CYRIB: variants seen among roughly 807,000 people sequenced by gnomAD.
CYRIB encodes the protein CYFIP-related Rac1 interactor B.
CYRIB carries 8 observed loss-of-function variants against 44.2 expected under a neutral mutation model. The observed-to-expected ratio is 0.18, with a 90% CI of 0.11 to 0.33. The LOEUF (loss-of-function observed/expected upper bound fraction) is 0.33. Among genes scored for constraint, CYRIB ranks in the 10% least tolerant of loss-of-function variants. The probability of loss-of-function intolerance (pLI) is 1.00; values close to 1 mark genes in which losing one functional copy is unlikely to be tolerated. For missense variants in CYRIB, 185 were observed against 382.8 expected, an observed-to-expected ratio of 0.48 and a Z score of 4.31; for synonymous variants, 131 against 127.2, an observed-to-expected ratio of 1.03 and a Z score of -0.20.
chr8:129,843,490 C>A (rs921740072), intron 11 of CYRIB, among the ~76,000 whole-genome samples: 1 of 152,184 alleles, frequency 6.6e-6, no homozygotes, highest in African/African-American at 2.4e-5. Flanking sequence ...GTGTTCAATG[C>A]GTGAATGTGG....
intron 1 of CYRIB, among the ~76,000 whole-genome samples, chr8:129,907,105 T>C (rs2075805523): frequency 6.6e-6 from 1 of 152,186 alleles, no homozygotes; most frequent in African/African-American, 2.4e-5. Context: ...ACTGGGTATA[T>C]ACCCAAAGGA....
At chr8:129,875,269 CTTT>C (rs879701258) in intron 3 of CYRIB, among the ~76,000 whole-genome samples, 1 of 139,376 alleles carries the variant, frequency 7.2e-6, no homozygotes, top group Middle Eastern at 3.4e-3. Context: ...CCATTCAGTG[CTTT>C]TTTTTTTTTT....
chr8:130,012,626 T>C (rs985020193), intron 1 of CYRIB, among the ~76,000 whole-genome samples: 1 of 152,122 alleles, frequency 6.6e-6, no homozygotes, highest in African/African-American at 2.4e-5. Flanking sequence ...TAGTCCTCAT[T>C]TGAAAGATGA....
chr8:130,005,252 G>A (rs1240566354), intron 1 of CYRIB, among the ~76,000 whole-genome samples: 1 of 152,090 alleles, frequency 6.6e-6, no homozygotes, highest in Non-Finnish European at 1.5e-5. Context: ...CTGTCTGTTA[G>A]GAACCAGCGG....
At chr8:130,004,046 A>G (rs2096972039) in intron 1 of CYRIB, among the ~76,000 whole-genome samples, 1 of 152,202 alleles carries the variant, frequency 6.6e-6, no homozygotes, top group Non-Finnish European at 1.5e-5. Context: ...TGGCCTCACC[A>G]GGTCAAGAAA....
At chr8:129,935,184 T>G (rs2092573958) in intron 1 of CYRIB, among the ~76,000 whole-genome samples, 1 of 152,226 alleles carries the variant, frequency 6.6e-6, no homozygotes, top group South Asian at 2.1e-4. Flanking sequence ...AATTTCTTTC[T>G]TAGCAAGTGT....
At chr8:129,981,168 C>G (rs1486528354) in intron 1 of CYRIB, among the ~76,000 whole-genome samples, 1 of 152,128 alleles carries the variant, frequency 6.6e-6, no homozygotes, top group African/African-American at 2.4e-5. Context: ...AAGACAAGGT[C>G]TGGCTCTGTC....
intron 1 of CYRIB, among the ~76,000 whole-genome samples, chr8:129,939,179 G>A (rs912243580): frequency 6.6e-6 from 1 of 152,100 alleles, no homozygotes; most frequent in Non-Finnish European, 1.5e-5. Context: ...AGCTGGGGAC[G>A]GGAACAGGGG....
chr8:129,981,166 G>T (rs2096224602), intron 1 of CYRIB, among the ~76,000 whole-genome samples: 1 of 151,946 alleles, frequency 6.6e-6, no homozygotes, highest in South Asian at 2.1e-4. Context: ...TCAAGACAAG[G>T]TCTGGCTCTG....
At chr8:129,917,870 A>G (rs907361299) in intron 1 of CYRIB, among the ~76,000 whole-genome samples, 1 of 152,222 alleles carries the variant, frequency 6.6e-6, no homozygotes, top group Non-Finnish European at 1.5e-5. Flanking sequence ...AAAGAAAAAA[A>G]GTCATTTTTA....
At chr8:129,895,975 G>T (rs1010330012) in intron 2 of CYRIB, among the ~76,000 whole-genome samples, 7 of 152,100 alleles carry the variant, frequency 4.6e-5, no homozygotes, top group Non-Finnish European at 7.4e-5. Context: ...CTCTGTTCCT[G>T]TCTGGTTTTG....
intron 1 of CYRIB, among the ~76,000 whole-genome samples, chr8:129,990,393 G>A (rs1388743260): frequency 6.6e-6 from 1 of 152,074 alleles, no homozygotes; most frequent in Non-Finnish European, 1.5e-5. Context: ...TTCAGTAAAT[G>A]ACTGGTATAT....
At position 129,964,790 on chromosome 8, in the gene CYRIB, T is replaced by C. The variant is rs564972596; in HGVS notation, c.-243+6153A>G. Among the ~76,000 whole-genome samples, 636 of 152,262 alleles carry C rather than the reference T, an allele frequency of 4.2e-3. 5 individuals carry two copies. Among genetic ancestry groups the C allele is most frequent in the African/African-American group, 0.015 (614 of 41,542 alleles). On this transcript the variant is annotated intron_variant, in intron 2 of 14. Coordinates refer to the CYRIB transcript ENST00000401979. Reference sequence around the variant, plus strand: ...TCCCAGCTACTCAGGAGGCTGAGCCTGGGAGGTCGAGGCTGCAGTGAGCCG... The same window carrying C: ...TCCCAGCTACTCAGGAGGCTGAGCCCGGGAGGTCGAGGCTGCAGTGAGCCG...
chr8:129,948,134 G>A (rs557988551), intron 2 of CYRIB, among the ~76,000 whole-genome samples: 24 of 152,310 alleles, frequency 1.6e-4, no homozygotes, highest in African/African-American at 3.8e-4. Flanking sequence ...GTTTGCAGCC[G>A]GAAAAGCTGA....
At chr8:129,962,719 C>T (rs932711819) in intron 2 of CYRIB, among the ~76,000 whole-genome samples, 8 of 152,172 alleles carry the variant, frequency 5.3e-5, no homozygotes, top group African/African-American at 1.9e-4. Context: ...AAACCCCACT[C>T]GGGGTATTGC....
Position 129,867,055 on chromosome 8 carries a change from G to A in CYRIB, c.195+4320C>T, listed in dbSNP as rs555386108. Reference sequence around the variant, plus strand: ...TGTAATCCTAGCACTTTGGGACGCTGAGACAGAAGGATCGCTTGAGGCCAG... The same window carrying A: ...TGTAATCCTAGCACTTTGGGACGCTAAGACAGAAGGATCGCTTGAGGCCAG... On this transcript the variant is annotated intron_variant, in intron 4 of 11. Coordinates refer to ENST00000519824, the Ensembl canonical transcript of CYRIB. Among the ~76,000 whole-genome samples, 33 of 152,308 alleles carry A rather than the reference G, an allele frequency of 2.2e-4. 1 individual carries two copies. The highest frequency in any genetic ancestry group is 7.5e-4 in the African/African-American group (31 of 41,564).
intron 7 of CYRIB, among the ~76,000 whole-genome samples, chr8:129,852,553 A>ATGAT (rs1248733115): frequency 6.6e-6 from 1 of 152,226 alleles, no homozygotes; most frequent in Non-Finnish European, 1.5e-5. Flanking sequence ...GGACAGAAAA[A>ATGAT]TGATTATAAA....
intron 1 of CYRIB, among the ~76,000 whole-genome samples, chr8:130,013,200 GGGCCTATGCTAAGGACTTTGCTTA>G: frequency 6.6e-6 from 1 of 152,294 alleles, no homozygotes; most frequent in Admixed American, 6.5e-5. Flanking sequence ...ATGGGAACAG[GGGCCTATGCTAAGGACTTTGCTTA>G]TGCTACTGCC....
intron 2 of CYRIB, among the ~76,000 whole-genome samples, chr8:129,961,026 A>AT (rs1246602294): frequency 6.6e-6 from 1 of 152,134 alleles, no homozygotes; most frequent in Non-Finnish European, 1.5e-5. Flanking sequence ...AGAAGCTTTG[A>AT]AAGCCCTACT....
Sources: allele counts gnomAD v4.1 joint callset (sites outside exome capture counted in the v4.1 genomes callset), GRCh38; gene constraint gnomAD v4.1.1; transcripts MANE v1.5; gene names NCBI Gene and HGNC (gene_info 2026-07-23, HGNC 2026-07-21).